SPATA6: variants seen among roughly 807,000 people sequenced by gnomAD.
The protein encoded by SPATA6 is spermatogenesis-associated protein 6.
A neutral mutation model predicts 65.3 loss-of-function variants in SPATA6; 56 were observed. That is an observed-to-expected ratio of 0.86 (90% CI 0.69 to 1.07). The LOEUF (loss-of-function observed/expected upper bound fraction) is 1.07. Among genes scored for constraint, SPATA6 ranks in the 50% least tolerant of loss-of-function variants. The pLI, the probability that SPATA6 is intolerant of heterozygous loss-of-function variation, is 0.00. For missense variants in SPATA6, 590 were observed against 594.8 expected (o/e 0.99, Z 0.08); for synonymous variants, 199 against 213.2 (o/e 0.93, Z 0.58).
intron 9 of SPATA6, among the ~76,000 whole-genome samples, chr1:48,369,495 C>A (rs1160500556): frequency 6.6e-6 from 1 of 152,232 alleles, no homozygotes; most frequent in Non-Finnish European, 1.5e-5. Context: ...TGCCCCTCCC[C>A]CAGCCTGGCT....
chr1:48,464,835 G>A (rs74626736), intron 1 of SPATA6, among the ~76,000 whole-genome samples: 2,244 of 152,092 alleles, frequency 0.015, 47 homozygotes, highest in African/African-American at 0.05. Context: ...TCTAATTATT[G>A]GTGATTATAC....
intron 11 of SPATA6, among the ~76,000 whole-genome samples, chr1:48,334,917 A>G (rs960161960): frequency 1.3e-5 from 2 of 152,186 alleles, no homozygotes; most frequent in East Asian, 3.8e-4. Flanking sequence ...CCTTGAACTG[A>G]TAAGCAACTT....
chr1:48,453,215 T>C (rs1476430551), intron 1 of SPATA6, 84 bp from the exon 2 acceptor site: 3 of 1,376,332 alleles, frequency 2.2e-6, no homozygotes, highest in East Asian at 2.5e-5. Context: ...AAATATTACA[T>C]AAAAACATTA....
At chr1:48,465,718 C>G (rs761277126) in intron 1 of SPATA6, among the ~76,000 whole-genome samples, 1 of 152,098 alleles carries the variant, frequency 6.6e-6, no homozygotes, top group Non-Finnish European at 1.5e-5. Context: ...AGATGATAAA[C>G]ATCCCACACT....
intron 11 of SPATA6, among the ~76,000 whole-genome samples, chr1:48,306,924 A>C (rs1201389915): frequency 6.6e-6 from 1 of 151,618 alleles, no homozygotes; most frequent in Admixed American, 6.6e-5. Flanking sequence ...CCCTTAACTT[A>C]TTTGGTCTAC....
At chr1:48,418,752 G>A (rs1653034681) in intron 3 of SPATA6, among the ~76,000 whole-genome samples, 1 of 141,738 alleles carries the variant, frequency 7.1e-6, no homozygotes, top group Admixed American at 7.3e-5. Context: ...AAGGAAGGAA[G>A]GAGGGAAGGA....
intron 11 of SPATA6, among the ~76,000 whole-genome samples, chr1:48,324,480 G>GA (rs1645696760): frequency 1.3e-5 from 2 of 152,054 alleles, no homozygotes; most frequent in Admixed American, 6.6e-5. Context: ...CAATACATTA[G>GA]AAAGATTATT....
At chr1:48,290,260 G>A in the SPATA6 span, among the ~76,000 whole-genome samples, 4 of 152,164 alleles carry the variant, frequency 2.6e-5, no homozygotes, top group Admixed American at 2.0e-4. Flanking sequence ...AGCCTCATAA[G>A]TGAAGGAGAA....
intron 11 of SPATA6, among the ~76,000 whole-genome samples, chr1:48,342,450 T>C (rs946108747): frequency 3.3e-5 from 5 of 151,610 alleles, no homozygotes; most frequent in African/African-American, 1.2e-4. Flanking sequence ...CCCTTATCTA[T>C]TAAAAATACA....
chr1:48,400,886 TC>T, intron 6 of SPATA6: 1 of 1,204,436 alleles, frequency 8.3e-7, no homozygotes, highest in Non-Finnish European at 1.1e-6. Context: ...TTCTACCATA[TC>T]CATTTCACCC....
At chr1:48,458,609 AAAAG>A (rs781130588) in intron 1 of SPATA6, among the ~76,000 whole-genome samples, 1 of 152,194 alleles carries the variant, frequency 6.6e-6, no homozygotes, top group African/African-American at 2.4e-5. Flanking sequence ...ATTCACCATA[AAAAG>A]AAAGAAAGTA....
At chr1:48,433,655 A>C (rs1170297603) in intron 3 of SPATA6, among the ~76,000 whole-genome samples, 3 of 152,164 alleles carry the variant, frequency 2.0e-5, no homozygotes, top group Non-Finnish European at 4.4e-5. Context: ...CTGCTATAAT[A>C]ATTTTTTCTG....
the SPATA6 span, among the ~76,000 whole-genome samples, chr1:48,275,083 T>C: frequency 6.6e-6 from 1 of 152,214 alleles, no homozygotes; most frequent in Non-Finnish European, 1.5e-5. Flanking sequence ...TCCTAGGTAT[T>C]TGATTCTCTT....
chr1:48,396,431 CTA>C (rs1225274553), intron 7 of SPATA6, among the ~76,000 whole-genome samples: 1 of 151,634 alleles, frequency 6.6e-6, no homozygotes, highest in Non-Finnish European at 1.5e-5. Flanking sequence ...ATTTGTACAC[CTA>C]TGTTTACAGC....
At chr1:48,312,457 C>G (rs1165584671) in intron 11 of SPATA6, among the ~76,000 whole-genome samples, 1 of 152,130 alleles carries the variant, frequency 6.6e-6, no homozygotes, top group Non-Finnish European at 1.5e-5. Context: ...GGACCTCCAG[C>G]AAATTCCAAC....
At chr1:48,403,103 G>T (rs1450635361) in intron 6 of SPATA6, among the ~76,000 whole-genome samples, 1 of 152,092 alleles carries the variant, frequency 6.6e-6, no homozygotes, top group East Asian at 1.9e-4. Flanking sequence ...TTGAGCCCAA[G>T]AGGTCAAAGC....
At chr1:48,321,965 T>A (rs1645610948) in intron 11 of SPATA6, among the ~76,000 whole-genome samples, 1 of 151,998 alleles carries the variant, frequency 6.6e-6, no homozygotes, top group Admixed American at 6.6e-5. Flanking sequence ...AAAGTAAATG[T>A]ACATGAAAAT....
intron 3 of SPATA6, among the ~76,000 whole-genome samples, chr1:48,427,738 G>T (rs1329430786): frequency 1.3e-5 from 2 of 152,152 alleles, no homozygotes; most frequent in African/African-American, 4.8e-5. Flanking sequence ...TTAACTTAGA[G>T]GGTACATGTG....
intron 3 of SPATA6, among the ~76,000 whole-genome samples, chr1:48,428,773 A>ATGTGTGTGTGTGTGTGTG (rs1308795485): frequency 1.6e-5 from 1 of 63,138 alleles, no homozygotes; most frequent in Non-Finnish European, 3.4e-5. Flanking sequence ...ATAGGTGTAT[A>ATGTGTGTGTGTGTGTGTG]TATGTGTGTG....
Sources: gnomAD v4.1 joint callset for allele counts (sites outside exome capture counted in the v4.1 genomes callset) on GRCh38, gnomAD v4.1.1 for gene constraint, MANE v1.5 for transcripts, NCBI Gene and HGNC (gene_info 2026-07-23, HGNC 2026-07-21) for gene names.